The following PLEKHA5 variants were observed in gnomAD, a reference collection of about 807,000 sequenced individuals.
The protein encoded by PLEKHA5 is pleckstrin homology domain containing A5.
Under a neutral mutation model 181.9 loss-of-function variants are expected in PLEKHA5, and 55 were observed. The observed-to-expected ratio is 0.30, with a 90% CI of 0.24 to 0.38. The LOEUF is 0.38. PLEKHA5 is among the 10% of genes least tolerant of loss of function. The probability of loss-of-function intolerance (pLI) is 1.00; values close to 1 mark genes in which losing one functional copy is unlikely to be tolerated. For synonymous variants in PLEKHA5, 535 were observed against 529.4 expected, an observed-to-expected ratio of 1.01 and a Z score of -0.15; for missense variants, 1,432 against 1,549.5, an observed-to-expected ratio of 0.92 and a Z score of 1.27.
intron 29 of PLEKHA5, 100 bp from the exon 30 acceptor site, chr12:19,365,864 G>A (rs572275335): frequency 3.7e-5 from 25 of 677,536 alleles, no homozygotes; most frequent in Admixed American, 2.8e-4. Context: ...GAAAATGTTC[G>A]TTGTTAAACA....
At chr12:19,178,456 C>T (rs970937408) in intron 3 of PLEKHA5, among the ~76,000 whole-genome samples, 8 of 152,148 alleles carry the variant, frequency 5.3e-5, no homozygotes, top group East Asian at 1.9e-4. Flanking sequence ...TGCAGCTACA[C>T]GAAGTGGAGC....
At chr12:19,359,816 A>T (rs1174427048) in intron 28 of PLEKHA5, among the ~76,000 whole-genome samples, 1 of 151,456 alleles carries the variant, frequency 6.6e-6, no homozygotes, top group Non-Finnish European at 1.5e-5. Flanking sequence ...GCAAAAAAAA[A>T]TTAGCCGGGC....
chr12:19,243,786 G>T (rs763189495), intron 3 of PLEKHA5, among the ~76,000 whole-genome samples: 1 of 152,118 alleles, frequency 6.6e-6, no homozygotes, highest in Admixed American at 6.5e-5. Context: ...AAAAATTACA[G>T]TCTTTGAGAT....
intron 3 of PLEKHA5, among the ~76,000 whole-genome samples, chr12:19,218,460 T>C (rs1254807324): frequency 2.0e-5 from 3 of 152,222 alleles, no homozygotes; most frequent in Non-Finnish European, 2.9e-5. Context: ...ATTGGAATGC[T>C]AAACTCTTGA....
chr12:19,139,732 G>T (rs1236389794), intron 3 of PLEKHA5, among the ~76,000 whole-genome samples: 2 of 152,168 alleles, frequency 1.3e-5, no homozygotes, highest in African/African-American at 4.8e-5. Context: ...CCGTTGTGGG[G>T]GTTGCTGGGA....
chr12:19,198,259 G>C (rs1424403402), intron 3 of PLEKHA5, among the ~76,000 whole-genome samples: 1 of 152,162 alleles, frequency 6.6e-6, no homozygotes. Flanking sequence ...AACCCTAGTT[G>C]ACTTTTCTAC....
chr12:19,317,725 C>T (rs1465870974), intron 16 of PLEKHA5, among the ~76,000 whole-genome samples: 2 of 151,352 alleles, frequency 1.3e-5, no homozygotes, highest in Admixed American at 6.6e-5. Flanking sequence ...AAAAAAGTAT[C>T]AGATACTTTA....
intron 15 of PLEKHA5, among the ~76,000 whole-genome samples, chr12:19,299,331 G>A (rs2080809001): frequency 6.6e-6 from 1 of 152,122 alleles, no homozygotes. Context: ...ATTACATGTT[G>A]GCATGGTGTT....
intron 15 of PLEKHA5, chr12:19,306,593 G>T (rs924534607): frequency 1.2e-6 from 1 of 831,160 alleles, no homozygotes; most frequent in Non-Finnish European, 2.1e-6. Flanking sequence ...GGGCCCTAGC[G>T]GCGGGCCCAG....
At chr12:19,181,036 T>C (rs1234410065) in intron 3 of PLEKHA5, among the ~76,000 whole-genome samples, 3 of 31,366 alleles carry the variant, frequency 9.6e-5, no homozygotes, top group Non-Finnish European at 1.6e-4. Context: ...ATAGTTGAAA[T>C]TGTAAAAAAA....
chr12:19,258,974 TC>T (rs2067620241), intron 6 of PLEKHA5, among the ~76,000 whole-genome samples: 1 of 152,208 alleles, frequency 6.6e-6, no homozygotes, highest in Non-Finnish European at 1.5e-5. Context: ...CTAATGGCAT[TC>T]CTTATTTAAA....
At chr12:19,149,208 C>G (rs1226382185) in intron 3 of PLEKHA5, among the ~76,000 whole-genome samples, 1 of 152,044 alleles carries the variant, frequency 6.6e-6, no homozygotes, top group Non-Finnish European at 1.5e-5. Flanking sequence ...AGTTATTGCT[C>G]TATGACAAAC....
At chr12:19,231,599 C>A (rs1010741289) in intron 3 of PLEKHA5, among the ~76,000 whole-genome samples, 4 of 1,282 alleles carry the variant, frequency 3.1e-3, no homozygotes, top group Non-Finnish European at 3.8e-3. Flanking sequence ...TATATGTACA[C>A]ATATATATAT....
chr12:19,343,393 G>C lies in PLEKHA5; in HGVS notation c.2621G>C (p.Gly874Ala). ...TGGCGAATTCAGGATGTCATGGAAGGGCTGAGTAAACATAAGCAGCAAAGA... is the reference window on the plus strand; with the variant it reads ...TGGCGAATTCAGGATGTCATGGAAGCGCTGAGTAAACATAAGCAGCAAAGA... ...ELWRIQDVME[G>A]LSKHKQQRGT... The change falls in exon 22 of 32, where the codon GGG (glycine) becomes GCG (alanine). Residue 874 changes from glycine (G) to alanine (A), a missense_variant. Transcript: ENST00000429027. The C allele has an allele frequency of 6.2e-7, 1 of 1,613,152 alleles. No individual in the cohort carries two copies.
intron 25 of PLEKHA5, among the ~76,000 whole-genome samples, chr12:19,352,168 G>C (rs2094631970): frequency 6.6e-6 from 1 of 150,758 alleles, no homozygotes; most frequent in Non-Finnish European, 1.5e-5. Context: ...AGGATGGTTT[G>C]AGCCCAAGAG....
At chr12:19,258,310 C>T (rs1203991150) in intron 6 of PLEKHA5, among the ~76,000 whole-genome samples, 2 of 152,066 alleles carry the variant, frequency 1.3e-5, no homozygotes, top group Non-Finnish European at 2.9e-5. Context: ...AGGTGACATC[C>T]TCAATCTTCA....
At chr12:19,164,505 A>G (rs2043810020) in intron 3 of PLEKHA5, among the ~76,000 whole-genome samples, 1 of 151,992 alleles carries the variant, frequency 6.6e-6, no homozygotes. Context: ...TTTCCAGATT[A>G]TTTTTTTAAT....
At position 19,274,832 on chromosome 12, in the gene PLEKHA5, A is replaced by G. The variant is rs77598867; in HGVS notation, c.1162A>G (p.Ser388Gly). Residue 388 changes from serine to glycine, a missense_variant, in exon 11 of 32, where the codon AGC (serine) becomes GGC (glycine). By Grantham distance (56) the Ser-to-Gly change is moderately conservative. Coordinates refer to ENST00000429027, the MANE Select transcript of PLEKHA5 (RefSeq NM_001256470.2). ...SSSENKIVNV[S>G]LADLRGGNRP... ...TTCAGAGAACAAAATAGTCAATGTT[A>G]GCCTGGCAGATCTTAGAGGTGGAAA... 16,896 of 1,614,196 alleles carry G rather than the reference A, an allele frequency of 0.01. 198 individuals are homozygous for G. Among genetic ancestry groups the G allele is most frequent in the East Asian group, 0.041 (1,828 of 44,872 alleles).
intron 20 of PLEKHA5, among the ~76,000 whole-genome samples, chr12:19,330,111 T>C (rs184735065): frequency 2.0e-5 from 3 of 152,280 alleles, no homozygotes; most frequent in Non-Finnish European, 1.5e-5. Context: ...CAGTAATAGT[T>C]ATTTATTTAA....
Sources: gnomAD v4.1 joint callset for allele counts (sites outside exome capture counted in the v4.1 genomes callset) on GRCh38, gnomAD v4.1.1 for gene constraint, MANE v1.5 for transcripts, NCBI Gene and HGNC (gene_info 2026-07-23, HGNC 2026-07-21) for gene names.